Variants in PSPC1 observed in about 807,000 individuals in gnomAD.
PSPC1 encodes the protein paraspeckle component 1, also known as paraspeckle protein 1.
In PSPC1, 14 loss-of-function variants were observed where a neutral mutation model predicts 51.6. That is an observed-to-expected ratio of 0.27 (90% CI 0.18 to 0.42). The LOEUF is 0.42. Ranked by LOEUF, PSPC1 falls within the 10% of genes least tolerant of loss-of-function variation. PSPC1 has a pLI of 1.00. For missense variants in PSPC1, 406 were observed against 701.1 expected, an observed-to-expected ratio of 0.58 and a Z score of 4.75; for synonymous variants, 193 against 231.9, an observed-to-expected ratio of 0.83 and a Z score of 1.53.
At chr13:19,735,777 CAT>C (rs1277359642) in intron 5 of PSPC1, among the ~76,000 whole-genome samples, 4 of 151,980 alleles carry the variant, frequency 2.6e-5, no homozygotes, top group African/African-American at 4.8e-5. Flanking sequence ...AGTTCCCAGA[CAT>C]AATCTTTTTT....
chr13:19,729,773 T>C (rs1443035037), intron 6 of PSPC1, among the ~76,000 whole-genome samples: 1 of 152,152 alleles, frequency 6.6e-6, no homozygotes. Context: ...GAAAATAAAA[T>C]TATATGAAAT....
At chr13:19,677,890 CAG>C (rs796225772) in intron 6 of PSPC1, 80 of 455,950 alleles carry the variant, frequency 1.8e-4, no homozygotes, top group African/African-American at 9.1e-4. Flanking sequence ...TGAGAAAAAT[CAG>C]AGTTAACTCA....
intron 6 of PSPC1, among the ~76,000 whole-genome samples, chr13:19,679,604 A>T (rs902644624): frequency 1.3e-5 from 2 of 152,222 alleles, no homozygotes; most frequent in Non-Finnish European, 2.9e-5. Flanking sequence ...ATATAGCTCC[A>T]TAGCATTTAC....
chr13:19,774,909 T>A (rs564218149), intron 1 of PSPC1, among the ~76,000 whole-genome samples: 1 of 151,574 alleles, frequency 6.6e-6, no homozygotes, highest in East Asian at 1.9e-4. Flanking sequence ...GTAAGGGGGC[T>A]CACACCTGTA....
chr13:19,723,896 C>T (rs376799060), intron 6 of PSPC1, among the ~76,000 whole-genome samples: 14 of 152,280 alleles, frequency 9.2e-5, no homozygotes, highest in African/African-American at 3.4e-4. Context: ...ATTGCAATGT[C>T]TGTTATTATC....
chr13:19,695,817 A>C (rs1352456834), intron 6 of PSPC1, among the ~76,000 whole-genome samples: 1 of 152,210 alleles, frequency 6.6e-6, no homozygotes, highest in Non-Finnish European at 1.5e-5. Flanking sequence ...GTTAAAAATA[A>C]TCATTTCTTG....
intron 5 of PSPC1, among the ~76,000 whole-genome samples, chr13:19,738,970 T>C (rs940214921): frequency 6.6e-6 from 1 of 152,128 alleles, no homozygotes; most frequent in Non-Finnish European, 1.5e-5. Flanking sequence ...ATACACAATT[T>C]TTCCCCAGAT....
intron 6 of PSPC1, among the ~76,000 whole-genome samples, chr13:19,725,654 G>A (rs913632279): frequency 3.3e-5 from 5 of 152,162 alleles, no homozygotes; most frequent in African/African-American, 9.7e-5. Flanking sequence ...AAAATAGGCA[G>A]CATGTGAACT....
At chr13:19,737,596 C>CA (rs34525360) in intron 5 of PSPC1, among the ~76,000 whole-genome samples, 121,966 of 152,052 alleles carry the variant, frequency 0.8, 50,238 homozygotes, top group East Asian at 0.96. Flanking sequence ...TGGGTTTCTC[C>CA]CTTTAAATTT....
At chr13:19,697,903 C>T (rs1025432148), downstream of PSPC1, among the ~76,000 whole-genome samples, 2 of 151,902 alleles carry the variant, frequency 1.3e-5, no homozygotes, top group African/African-American at 4.8e-5. Flanking sequence ...TCAATTTTCA[C>T]GTAATAAATA....
chr13:19,683,668 G>A (rs1877531704), intron 6 of PSPC1, among the ~76,000 whole-genome samples: 1 of 152,156 alleles, frequency 6.6e-6, no homozygotes, highest in Non-Finnish European at 1.5e-5. Context: ...GTAAGTTCAT[G>A]TAGCAACTCA....
chr13:19,742,182 T>C (rs1383365710), intron 4 of PSPC1, among the ~76,000 whole-genome samples: 1 of 140,614 alleles, frequency 7.1e-6, no homozygotes, highest in Non-Finnish European at 1.5e-5. Context: ...TCATCTTGGC[T>C]GGGCGCGGTG....
At chr13:19,777,783 TA>T (rs2138361209) in intron 1 of PSPC1, among the ~76,000 whole-genome samples, 1 of 151,926 alleles carries the variant, frequency 6.6e-6, no homozygotes. Flanking sequence ...CCATCTCTAC[TA>T]AAAATACAAA....
intron 6 of PSPC1, among the ~76,000 whole-genome samples, chr13:19,697,136 A>C (rs1266676748): frequency 1.3e-5 from 2 of 152,166 alleles, no homozygotes; most frequent in Non-Finnish European, 2.9e-5. Context: ...CTTTTGAGGC[A>C]CAATATCTGA....
Position 19,782,923 on chromosome 13 carries a change from T to A in PSPC1, c.-166A>T. ...CCGTCCTCCCCCAACTCACGCCCGC[T>A]GCAGCTGCACATTCAAAATGGCGCT... On this transcript the variant is annotated 5_prime_UTR_variant, in exon 1 of 9. Transcript: ENST00000338910. The surrounding 1 kb of genome is among the most constrained non-coding windows in gnomAD (Gnocchi z 4.5). 6.1e-6 allele frequency: 4 copies of A among 660,356 alleles called. No individual in the cohort carries two copies. Among genetic ancestry groups the A allele is most frequent in the East Asian group, 6.2e-5 (2 of 32,218 alleles). 40.9% of individuals were successfully genotyped at this position (660,356 alleles called of 1,614,324 possible).
At chr13:19,683,961 T>A (rs779931802) in intron 6 of PSPC1, among the ~76,000 whole-genome samples, 89 of 152,098 alleles carry the variant, frequency 5.9e-4, no homozygotes, top group Non-Finnish European at 1.0e-3. Flanking sequence ...ACATAATTAA[T>A]GACCTCAAAG....
exon 7 of PSPC1, chr13:19,677,813 C>T: frequency 2.0e-6 from 1 of 490,234 alleles, no homozygotes; most frequent in Non-Finnish European, 4.1e-6. Flanking sequence ...GCCACATTTT[C>T]TTTTATCACC....
At chr13:19,743,250 T>G (rs1885615021) in intron 4 of PSPC1, among the ~76,000 whole-genome samples, 1 of 152,212 alleles carries the variant, frequency 6.6e-6, no homozygotes, top group Non-Finnish European at 1.5e-5. Flanking sequence ...GCTTTTATTT[T>G]CCTTTTCTCT....
At position 19,697,489 on chromosome 13, in the gene PSPC1, A is replaced by C. The variant is rs117713087; in HGVS notation, c.1159-19666T>G. On this transcript the variant is annotated intron_variant and NMD_transcript_variant, in intron 6 of 7. Coordinates refer to the PSPC1 transcript ENST00000471658. Reference sequence around the variant, plus strand: ...TGGATATAGTGAAATTCTGAATGACATGGCACCTCATAAAATCTTATATGA... The same window carrying C: ...TGGATATAGTGAAATTCTGAATGACCTGGCACCTCATAAAATCTTATATGA... Among the ~76,000 whole-genome samples, 27 of 152,306 alleles carry C rather than the reference A, an allele frequency of 1.8e-4. No homozygotes were observed. The East Asian group carries it at 5.2e-3, about 29-fold the overall frequency.
Sources: gnomAD v4.1 joint callset for allele counts (sites outside exome capture counted in the v4.1 genomes callset) on GRCh38, gnomAD v4.1.1 for gene constraint, Gnocchi (gnomAD v3.1) non-coding constraint, MANE v1.5 for transcripts, NCBI Gene and HGNC (gene_info 2026-07-23, HGNC 2026-07-21) for gene names.